BRWD1: variants seen among roughly 807,000 people sequenced by gnomAD.
BRWD1 encodes the protein bromodomain and WD repeat-containing protein 1.
BRWD1 carries 82 observed loss-of-function variants against 251.2 expected under a neutral mutation model. The observed-to-expected ratio is 0.33, with a 90% CI of 0.27 to 0.39. The LOEUF (loss-of-function observed/expected upper bound fraction) is 0.39, where lower values mean the gene tolerates loss of function less well. BRWD1 is among the 10% of genes least tolerant of loss of function. BRWD1 has a pLI of 1.00. For synonymous variants in BRWD1, 918 were observed against 902.8 expected, an observed-to-expected ratio of 1.02 and a Z score of -0.30; for missense variants, 2,233 against 2,711.6, an observed-to-expected ratio of 0.82 and a Z score of 3.92.
rs1327287561 is a variant in BRWD1, at chr21:39,190,430, A to T, written c.*5829T>A. ...AATGTCTGACTCAAAATGAAAACAT[A>T]CTAGCCTCTTTCATAAACTCCTAGA... On this transcript the variant is annotated 3_prime_UTR_variant, in exon 41 of 41. Transcript: ENST00000342449. 3 of 985,268 alleles carry T rather than the reference A, an allele frequency of 3.0e-6. No individual in the cohort carries two copies. The highest frequency in any genetic ancestry group is 1.7e-5 in the African/African-American group (1 of 57,242). The allele number at this position is 985,268 out of a possible 1,614,324, so 61.0% of individuals were successfully genotyped here.
chr21:39,312,750 AC>A, intron 4 of BRWD1, 90 bp downstream of exon 4: 1 of 1,020,652 alleles, frequency 9.8e-7, no homozygotes, highest in Non-Finnish European at 1.4e-6. Context: ...CACACTTTGC[AC>A]CCCACGGGCC....
upstream of BRWD1, among the ~76,000 whole-genome samples, chr21:39,318,767 C>A (rs182403796): frequency 2.0e-5 from 3 of 152,182 alleles, no homozygotes; most frequent in African/African-American, 7.2e-5. Flanking sequence ...TACAGGTGTG[C>A]ACCACCATGC....
Position 39,269,968 on chromosome 21 carries a change from T to A in BRWD1, c.1461A>T (p.Ala487=). 6.3e-7 allele frequency: 1 copy of A among 1,593,730 alleles called. No individual in the cohort carries two copies. The highest frequency in any genetic ancestry group is 1.1e-5 in the South Asian group (1 of 87,620). ...HPFDSRIMLS[A]GHDGSIFIWD... Reference sequence around the variant, plus strand: ...ATATAAATATGCTGCCATCATGTCCTGCAGATAACATAATTCTGGAATCAA... The same window carrying A: ...ATATAAATATGCTGCCATCATGTCCAGCAGATAACATAATTCTGGAATCAA... The change falls in exon 15 of 41, where the codon GCA becomes GCT. Residue 487 remains alanine, a synonymous_variant. Coordinates refer to ENST00000342449, the MANE Select transcript of BRWD1 (RefSeq NM_033656.4).
rs2031275190 is a variant in BRWD1 at position 39,187,062 on chromosome 21, T to G, written c.*9197A>C. On this transcript the variant is annotated 3_prime_UTR_variant, in exon 41 of 41. Coordinates refer to ENST00000342449, the MANE Select transcript of BRWD1 (RefSeq NM_033656.4). ...TTTCTTTCCAGGATCTGAACCCCCTTAAAAAAAGCATTTTTCTATTAATAT... is the reference window on the plus strand; with the variant it reads ...TTTCTTTCCAGGATCTGAACCCCCTGAAAAAAAGCATTTTTCTATTAATAT... 6.3e-7 allele frequency: 1 copy of G among 1,588,424 alleles called. No homozygotes were observed. The highest frequency in any genetic ancestry group is 1.4e-5 in the African/African-American group (1 of 73,168).
At chr21:39,292,733 G>A (rs574011198) in intron 8 of BRWD1, among the ~76,000 whole-genome samples, 41 of 116,950 alleles carry the variant, frequency 3.5e-4, no homozygotes, top group East Asian at 1.9e-3. Context: ...GTCCTTCAAC[G>A]AAGAAACTGC....
chr21:39,315,137 C>T (rs752843370), upstream of BRWD1, among the ~76,000 whole-genome samples: 15 of 152,060 alleles, frequency 9.9e-5, no homozygotes, highest in Non-Finnish European at 1.9e-4. Context: ...GCTGGAATTG[C>T]AGGCAAGCGC....
chr21:39,281,383 A>C (rs1038684877), intron 8 of BRWD1, among the ~76,000 whole-genome samples: 6 of 152,186 alleles, frequency 3.9e-5, no homozygotes, highest in African/African-American at 1.2e-4. Flanking sequence ...GGAAAGACCA[A>C]AAGAGAGGAG....
At chr21:39,236,482 ACACCCAAGGCAC>A in intron 23 of BRWD1, 101 bp downstream of exon 23, 1 of 995,260 alleles carries the variant, frequency 1.0e-6, no homozygotes, top group Admixed American at 2.7e-5. Context: ...AGGGCCCAAG[ACACCCAAGGCAC>A]CACTATGCCA....
rs1037950553 is a variant in BRWD1, at chr21:39,188,523, C to T, written c.*7736G>A. On this transcript the variant is annotated 3_prime_UTR_variant, in exon 41 of 41. Coordinates refer to ENST00000342449, the MANE Select transcript of BRWD1 (RefSeq NM_033656.4). ...TAGCAATGAAACCACCAATGCCAAC[C>T]TTCTGAACTTTTTCTTCTGTGAAGA... 2.8e-5 allele frequency: 28 copies of T among 985,270 alleles called. No individual in the cohort carries two copies. In the African/African-American group the frequency reaches 4.5e-4, roughly 16 times the overall value. The allele number at this position is 985,270 out of a possible 1,614,324, so 61.0% of individuals were successfully genotyped here. A position where few individuals can be genotyped will look rare whatever the true frequency, so the allele number is the denominator to read the frequency against.
intron 8 of BRWD1, among the ~76,000 whole-genome samples, chr21:39,289,745 C>A (rs1359805481): frequency 1.3e-5 from 2 of 152,224 alleles, no homozygotes; most frequent in Non-Finnish European, 2.9e-5. Flanking sequence ...AGCAATCAGG[C>A]CGGGCACGGT....
chr21:39,308,582 T>C (rs1273638695), intron 4 of BRWD1, among the ~76,000 whole-genome samples: 2 of 152,034 alleles, frequency 1.3e-5, no homozygotes, highest in East Asian at 1.9e-4. Context: ...AAATTGTGGC[T>C]TTACAAACAC....
intron 29 of BRWD1, among the ~76,000 whole-genome samples, chr21:39,222,432 T>G (rs909237777): frequency 1.3e-5 from 2 of 152,144 alleles, no homozygotes; most frequent in African/African-American, 4.8e-5. Context: ...ACAGCTGAGG[T>G]AAGGAAAGTA....
At position 39,187,741 on chromosome 21, in the gene BRWD1, C is replaced by A; in HGVS notation, c.*8518G>T. On this transcript the variant is annotated 3_prime_UTR_variant, in exon 41 of 41. Coordinates refer to ENST00000342449, the MANE Select transcript of BRWD1 (RefSeq NM_033656.4). Reference sequence around the variant, plus strand: ...TTTTACATAATTTGAATTACTAAATCTTAACTTCATTGTTCCAGTATTTTC... The same window carrying A: ...TTTTACATAATTTGAATTACTAAATATTAACTTCATTGTTCCAGTATTTTC... The A allele has an allele frequency of 1.0e-6, 1 of 984,744 alleles. No homozygotes were observed. The highest frequency in any genetic ancestry group is 1.2e-6 in the Non-Finnish European group (1 of 829,392). The allele number at this position is 984,744 out of a possible 1,614,324, so 61.0% of individuals were successfully genotyped here.
chr21:39,211,028 T>G (rs2032633408), intron 34 of BRWD1, 99 bp from the exon 35 acceptor site: 1 of 1,195,662 alleles, frequency 8.4e-7, no homozygotes, highest in Admixed American at 3.0e-5. Context: ...AATACAATAA[T>G]GTCATATATG....
rs1235231294 is a variant in BRWD1 at position 39,187,226 on chromosome 21, G to A, written c.*9033C>T. ...CTCTTCCTAATCCAGACATTTTCTG[G>A]TCCTGAGATCGTTTCTTTTAGATTA... On this transcript the variant is annotated 3_prime_UTR_variant, in exon 41 of 41. Transcript: ENST00000342449. The A allele has an allele frequency of 1.9e-6, 3 of 1,613,444 alleles. No homozygotes were observed. Among genetic ancestry groups the A allele is most frequent in the East Asian group, 2.2e-5 (1 of 44,878 alleles).
intron 4 of BRWD1, among the ~76,000 whole-genome samples, chr21:39,301,978 GTTTTTT>G (rs750413248): frequency 3.8e-5 from 3 of 79,866 alleles, no homozygotes; most frequent in African/African-American, 5.1e-5. Flanking sequence ...AGCTTTGTGT[GTTTTTT>G]TTTTTTTTTT....
chr21:39,202,503 A>T lies in BRWD1; in HGVS notation c.4407T>A (p.Ile1469=). The change falls in exon 38 of 41, where the codon ATT becomes ATA. Residue 1469 remains isoleucine, a synonymous_variant. Coordinates refer to ENST00000342449, the MANE Select transcript of BRWD1 (RefSeq NM_033656.4). Reference sequence around the variant, plus strand: ...GGGTAGGAGAACCTACCAACTCAGGAATTATTTTTGTCTGAGATTTTAACC... The same window carrying T: ...GGGTAGGAGAACCTACCAACTCAGGTATTATTTTTGTCTGAGATTTTAACC... ...PKRLKSQTKI[I]PELVGSPTQS... is the part of the protein sequence containing the mutation. The T allele has an allele frequency of 6.2e-7, 1 of 1,613,514 alleles. No homozygotes were observed.
chr21:39,195,987 A>C lies in BRWD1; in HGVS notation c.*272T>G. On this transcript the variant is annotated 3_prime_UTR_variant, in exon 41 of 41. Transcript: ENST00000342449. ...ATAACCAGGATGTCTAGTGTTTAACATATTTCAAACTCTTGCTATATGTAG... is the reference window on the plus strand; with the variant it reads ...ATAACCAGGATGTCTAGTGTTTAACCTATTTCAAACTCTTGCTATATGTAG... 3.6e-6 allele frequency: 4 copies of C among 1,119,038 alleles called. No individual in the cohort carries two copies. Among genetic ancestry groups the C allele is most frequent in the Non-Finnish European group, 4.4e-6 (4 of 916,702 alleles). The allele number at this position is 1,119,038 out of a possible 1,614,324, so 69.3% of individuals were successfully genotyped here.
chr21:39,220,003 G>A (rs994824080), intron 29 of BRWD1, among the ~76,000 whole-genome samples: 97 of 152,114 alleles, frequency 6.4e-4, no homozygotes, highest in African/African-American at 2.0e-3. Context: ...GAGGAAAGAC[G>A]CTGTACAGGC....
Sources: allele counts gnomAD v4.1 joint callset (sites outside exome capture counted in the v4.1 genomes callset), GRCh38; gene constraint gnomAD v4.1.1; transcripts MANE v1.5; gene names NCBI Gene and HGNC (gene_info 2026-07-23, HGNC 2026-07-21).